The following LY96 variants were observed in gnomAD, a reference collection of about 807,000 sequenced individuals.
The protein encoded by LY96 is myeloid differentiation protein-2.
In LY96, 18 loss-of-function variants were observed where a neutral mutation model predicts 18.9. The ratio of observed to expected loss-of-function variants is 0.95; its 90% CI spans 0.66 to 1.41. The LOEUF (loss-of-function observed/expected upper bound fraction) is 1.41. Ranked by LOEUF, LY96 falls within the 40% of genes most tolerant of loss-of-function variation. LY96 has a pLI of 0.00. For synonymous variants in LY96, 66 were observed against 62.6 expected (o/e 1.06, Z -0.26); for missense variants, 175 against 182.4 (o/e 0.96, Z 0.23).
intron 3 of LY96, among the ~76,000 whole-genome samples, chr8:74,010,455 T>C (rs1268038647): frequency 6.6e-6 from 1 of 151,900 alleles, no homozygotes. Flanking sequence ...ATTAGGACCC[T>C]TACAGAGATC....
chr8:73,999,918 C>CT (rs1039612727), intron 1 of LY96, among the ~76,000 whole-genome samples: 27 of 149,336 alleles, frequency 1.8e-4, no homozygotes, highest in Admixed American at 9.4e-4. Context: ...AATTTGGATG[C>CT]TTTTTTTTTT....
chr8:74,099,781 A>C, the LY96 span: 1 of 152,174 alleles, frequency 6.6e-6, no homozygotes, highest in Non-Finnish European at 1.5e-5. Context: ...CAGAGACTAC[A>C]CTTCCCAGCC....
At chr8:73,996,381 CTTTCTTTCTTT>C (rs1816140123) in intron 1 of LY96, among the ~76,000 whole-genome samples, 4 of 42,300 alleles carry the variant, frequency 9.5e-5, no homozygotes, top group South Asian at 2.0e-3. Flanking sequence ...TCCTTTCTTT[CTTTCTTTCTTT>C]CTTTCTTTCT....
chr8:74,077,928 C>T, the LY96 span, among the ~76,000 whole-genome samples: 4 of 151,560 alleles, frequency 2.6e-5, no homozygotes, highest in Admixed American at 1.3e-4. Context: ...GGAAACGAAG[C>T]GAGACCTTGT....
At chr8:74,004,397 G>A (rs1201138725) in intron 1 of LY96, among the ~76,000 whole-genome samples, 6 of 152,142 alleles carry the variant, frequency 3.9e-5, no homozygotes, top group Admixed American at 1.3e-4. Context: ...CCTCCCATGG[G>A]TGGAGCTAGG....
downstream of LY96, among the ~76,000 whole-genome samples, chr8:74,032,238 A>T (rs916176371): frequency 6.6e-6 from 1 of 152,248 alleles, no homozygotes; most frequent in Non-Finnish European, 1.5e-5. Context: ...TGGTATCATC[A>T]TCTCCCTGAG....
At chr8:74,082,359 A>C in the LY96 span, among the ~76,000 whole-genome samples, 1 of 152,198 alleles carries the variant, frequency 6.6e-6, no homozygotes, top group African/African-American at 2.4e-5. Flanking sequence ...GTTATCAATA[A>C]ATACTGGCCA....
chr8:73,991,678 G>T, intron 1 of LY96, 124 bp downstream of exon 1: 1 of 670,170 alleles, frequency 1.5e-6, no homozygotes. Context: ...TGCTGTGGCG[G>T]ACGCTGCCAG....
At chr8:74,049,907 A>G in the LY96 span, among the ~76,000 whole-genome samples, 8 of 152,082 alleles carry the variant, frequency 5.3e-5, no homozygotes, top group Admixed American at 2.6e-4. Context: ...AGTCCCAGCT[A>G]CTCTGCTGGC....
the LY96 span, among the ~76,000 whole-genome samples, chr8:74,083,065 C>T: frequency 2.6e-5 from 4 of 151,986 alleles, no homozygotes; most frequent in African/African-American, 9.7e-5. Flanking sequence ...CGTCCCCCTG[C>T]TGGATTAATT....
the LY96 span, among the ~76,000 whole-genome samples, chr8:74,070,824 C>T: frequency 6.6e-6 from 1 of 151,990 alleles, no homozygotes; most frequent in Non-Finnish European, 1.5e-5. Context: ...ATTTTCTTGA[C>T]ATTTTATGGA....
chr8:73,991,597 TTGAGGGTAA>T, intron 1 of LY96, 43 bp downstream of exon 1: 1 of 1,187,836 alleles, frequency 8.4e-7, no homozygotes, highest in Non-Finnish European at 1.3e-6. Context: ...ATCAACTATT[TTGAGGGTAA>T]GTTTTCACGA....
intron 1 of LY96, among the ~76,000 whole-genome samples, chr8:73,995,185 A>G (rs1052822146): frequency 2.6e-5 from 4 of 152,284 alleles, no homozygotes; most frequent in African/African-American, 9.6e-5. Flanking sequence ...TGAGACAGCA[A>G]GAACGCCCTT....
At chr8:74,065,415 A>G in the LY96 span, among the ~76,000 whole-genome samples, 1 of 152,214 alleles carries the variant, frequency 6.6e-6, no homozygotes, top group Non-Finnish European at 1.5e-5. Context: ...TATTTCTTGT[A>G]GGTGTGTACA....
At chr8:74,053,592 C>T in the LY96 span, among the ~76,000 whole-genome samples, 1 of 152,230 alleles carries the variant, frequency 6.6e-6, no homozygotes, top group East Asian at 1.9e-4. Context: ...TATTTCATTA[C>T]TCTCTATCTT....
chr8:74,022,515 C>A (rs1227118892), intron 3 of LY96, among the ~76,000 whole-genome samples: 1 of 151,526 alleles, frequency 6.6e-6, no homozygotes. Context: ...ACTCCTTCCA[C>A]CTACCTGAAC....
the LY96 span, among the ~76,000 whole-genome samples, chr8:74,083,075 T>G: frequency 6.6e-6 from 1 of 152,116 alleles, no homozygotes; most frequent in Non-Finnish European, 1.5e-5. Context: ...CTGGATTAAT[T>G]TGAAGTAAGT....
chr8:74,073,280 T>C, the LY96 span, among the ~76,000 whole-genome samples: 3 of 152,222 alleles, frequency 2.0e-5, no homozygotes, highest in Non-Finnish European at 4.4e-5. Context: ...CAGGTTCTGC[T>C]GTGGCTTCCT....
At chr8:74,083,119 T>C in the LY96 span, among the ~76,000 whole-genome samples, 2 of 152,244 alleles carry the variant, frequency 1.3e-5, no homozygotes, top group Non-Finnish European at 2.9e-5. Flanking sequence ...TATGTATCTA[T>C]ATATGTAAAT....
Sources: allele counts gnomAD v4.1 joint callset (sites outside exome capture counted in the v4.1 genomes callset), GRCh38; gene constraint gnomAD v4.1.1; transcripts MANE v1.5; gene names NCBI Gene and HGNC (gene_info 2026-07-23, HGNC 2026-07-21).